Variants in KDM2B observed in about 807,000 individuals in gnomAD.
KDM2B encodes lysine demethylase 2B.
A neutral mutation model predicts 150.0 loss-of-function variants in KDM2B; 26 were observed. The observed-to-expected ratio is 0.17, with a 90% CI of 0.13 to 0.24. The LOEUF (loss-of-function observed/expected upper bound fraction) is 0.24, where lower values mean the gene tolerates loss of function less well. Ranked by LOEUF, KDM2B falls within the 10% of genes least tolerant of loss-of-function variation. The probability of loss-of-function intolerance (pLI) is 1.00; values close to 1 mark genes in which losing one functional copy is unlikely to be tolerated. For synonymous variants in KDM2B, 734 were observed against 729.5 expected, an observed-to-expected ratio of 1.01 and a Z score of -0.10; for missense variants, 1,265 against 1,816.9, an observed-to-expected ratio of 0.70 and a Z score of 5.52.
intron 11 of KDM2B, among the ~76,000 whole-genome samples, chr12:121,504,030 A>G (rs1884834225): frequency 6.6e-6 from 1 of 152,170 alleles, no homozygotes; most frequent in Non-Finnish European, 1.5e-5. Flanking sequence ...TGTCTTTCCC[A>G]TCTCATACAG....
At chr12:121,432,958 C>G (rs1363234828) in intron 22 of KDM2B, among the ~76,000 whole-genome samples, 1 of 152,242 alleles carries the variant, frequency 6.6e-6, no homozygotes, top group African/African-American at 2.4e-5. Context: ...GGCTGGCACA[C>G]TGCTGTGGCC....
the KDM2B span, chr12:121,416,275 T>G: frequency 6.2e-7 from 1 of 1,614,016 alleles, no homozygotes; most frequent in African/African-American, 1.3e-5. Flanking sequence ...CATTCAGATT[T>G]ACACCAAACC....
intron 4 of KDM2B, among the ~76,000 whole-genome samples, chr12:121,556,036 C>T (rs1889865606): frequency 6.6e-6 from 1 of 152,024 alleles, no homozygotes; most frequent in Admixed American, 6.6e-5. Flanking sequence ...AAGAGATCCT[C>T]CTGCCTCAGC....
At chr12:121,509,291 T>C (rs1885373293) in intron 11 of KDM2B, among the ~76,000 whole-genome samples, 1 of 151,780 alleles carries the variant, frequency 6.6e-6, no homozygotes, top group Non-Finnish European at 1.5e-5. Flanking sequence ...CTTGAACTCA[T>C]GACTTCAAGT....
chr12:121,497,239 A>G (rs369300378), intron 11 of KDM2B, among the ~76,000 whole-genome samples: 3 of 152,306 alleles, frequency 2.0e-5, no homozygotes, highest in Non-Finnish European at 2.9e-5. Context: ...ATTCACTGCT[A>G]TATCCTCAAA....
downstream of KDM2B, among the ~76,000 whole-genome samples, chr12:121,424,794 G>A (rs1467553770): frequency 1.3e-5 from 2 of 152,140 alleles, no homozygotes; most frequent in Non-Finnish European, 2.9e-5. Context: ...TATCAGTAAG[G>A]TTAACTGCTG....
chr12:121,530,266 T>C (rs1887556939), intron 8 of KDM2B, among the ~76,000 whole-genome samples: 1 of 151,346 alleles, frequency 6.6e-6, no homozygotes, highest in African/African-American at 2.4e-5. Context: ...TCTAGGTCAG[T>C]GGACCCCAGT....
intron 11 of KDM2B, among the ~76,000 whole-genome samples, chr12:121,502,960 G>A (rs1448464249): frequency 1.4e-5 from 2 of 147,760 alleles, no homozygotes; most frequent in Non-Finnish European, 3.0e-5. Flanking sequence ...TTTAAAAAAG[G>A]AAATCAGGTT....
chr12:121,480,628 G>A (rs1458020851), intron 12 of KDM2B, among the ~76,000 whole-genome samples: 3 of 148,794 alleles, frequency 2.0e-5, no homozygotes, highest in South Asian at 2.2e-4. Flanking sequence ...AAACTTAGCC[G>A]GGTGTGGTGG....
At chr12:121,494,978 G>A (rs1175050946) in intron 11 of KDM2B, among the ~76,000 whole-genome samples, 2 of 151,704 alleles carry the variant, frequency 1.3e-5, no homozygotes, top group Non-Finnish European at 2.9e-5. Context: ...AGAGCGTCGG[G>A]GACTCACACA....
intron 12 of KDM2B, among the ~76,000 whole-genome samples, chr12:121,475,940 G>T (rs1555296694): frequency 6.6e-6 from 1 of 151,384 alleles, no homozygotes; most frequent in Non-Finnish European, 1.5e-5. Flanking sequence ...AAGGTAGGAG[G>T]ATTACTTGAG....
intron 12 of KDM2B, among the ~76,000 whole-genome samples, chr12:121,480,203 G>T (rs529889315): frequency 6.6e-6 from 1 of 152,296 alleles, no homozygotes; most frequent in African/African-American, 2.4e-5. Context: ...TCTGGAGCAA[G>T]GAGAGAAGAA....
intron 4 of KDM2B, among the ~76,000 whole-genome samples, chr12:121,558,999 G>A (rs531529607): frequency 6.6e-6 from 1 of 152,178 alleles, no homozygotes; most frequent in Non-Finnish European, 1.5e-5. Context: ...CATCACAGAT[G>A]CCACTTGGGA....
intron 12 of KDM2B, among the ~76,000 whole-genome samples, chr12:121,472,261 C>T (rs1476823514): frequency 2.0e-5 from 3 of 152,144 alleles, no homozygotes; most frequent in African/African-American, 4.8e-5. Flanking sequence ...GGAGACTTGC[C>T]CCCCTTAACG....
chr12:121,430,389 T>G lies in KDM2B; in HGVS notation c.3910A>C (p.Lys1304Gln), dbSNP rs782683490. 2.5e-6 allele frequency: 4 copies of G among 1,614,044 alleles called. No homozygotes were observed. The highest frequency in any genetic ancestry group is 1.3e-5 in the African/African-American group (1 of 74,938). The change falls in exon 23 of 23, where the codon AAG (lysine) becomes CAG (glutamine). Residue 1304 changes from lysine (K) to glutamine (Q), a missense_variant. Around this residue, in one of 11 missense-constraint regions of KDM2B, gnomAD observed 251 missense variants for 397.8 expected, o/e 0.63. Transcript: ENST00000377071. The surrounding 1 kb of genome is among the most constrained non-coding windows in gnomAD (Gnocchi z 4.4). ...NICHIDLRYC[K>Q]QVTKEGCEQF... ...TCACAGCCTTCCTTGGTGACTTGCTTGCAGTACCTCAGGTCAATATGACAG... is the reference window on the plus strand; with the variant it reads ...TCACAGCCTTCCTTGGTGACTTGCTGGCAGTACCTCAGGTCAATATGACAG...
Position 121,578,702 on chromosome 12 carries a change from G to C in KDM2B, c.271+100C>G, listed in dbSNP as rs1355098771. 3 of 1,071,002 alleles carry C rather than the reference G, an allele frequency of 2.8e-6. No homozygotes were observed. In the African/African-American group the frequency reaches 5.0e-5, roughly 18 times the overall value. 66.3% of individuals were successfully genotyped at this position (1,071,002 alleles called of 1,614,324 possible). A position where few individuals can be genotyped will look rare whatever the true frequency, so the allele number is the denominator to read the frequency against. On this transcript the variant is annotated intron_variant, in intron 2 of 22. Coordinates refer to ENST00000377071, the MANE Select transcript of KDM2B (RefSeq NM_032590.5). ...TTCGTCACCGGATCCCCTGGAATGG[G>C]GGACGCGGGCGCGAAATACGAACCC...
At chr12:121,517,375 G>A (rs973239739) in intron 9 of KDM2B, among the ~76,000 whole-genome samples, 15 of 152,058 alleles carry the variant, frequency 9.9e-5, no homozygotes, top group African/African-American at 2.9e-4. Flanking sequence ...AAATTTAAAT[G>A]GTGAAGGTAA....
intron 22 of KDM2B, among the ~76,000 whole-genome samples, chr12:121,433,679 T>C (rs528144571): frequency 5.3e-5 from 8 of 152,378 alleles, no homozygotes; most frequent in Admixed American, 1.3e-4. Context: ...GAAATTGCTA[T>C]AAAATCCTAG....
chr12:121,442,819 G>C lies in KDM2B; in HGVS notation c.2622C>G (p.Asn874Lys). The C allele has an allele frequency of 1.3e-6, 2 of 1,523,254 alleles. No homozygotes were observed. The highest frequency in any genetic ancestry group is 1.8e-6 in the Non-Finnish European group (2 of 1,141,080). 94.4% of individuals were successfully genotyped at this position (1,523,254 alleles called of 1,614,324 possible). Residue 874 changes from asparagine (N) to lysine (K), a missense_variant, in exon 19 of 23, where the codon AAC becomes AAG. Asn to Lys is a moderately conservative substitution (Grantham distance 94). This residue lies in a region of KDM2B where 418 missense variants were observed against 402.4 expected (regional missense o/e 1.04). Transcript: ENST00000377071. This position sits in a 1 kb window ranked among gnomAD's most constrained non-coding sequence, Gnocchi z 7.7. Reference protein sequence around the residue: ...LFRKKRRSWKNAEDRMALANK... With the variant: ...LFRKKRRSWKKAEDRMALANK... ...TGGCCAGCGCCATGCGGTCCTCGGC[G>C]TTCTTCCAGGACCGCCGCTGAGGGC... is the stretch of plus-strand genomic sequence containing the variant.
Sources: allele counts gnomAD v4.1 joint callset (sites outside exome capture counted in the v4.1 genomes callset), GRCh38; gene constraint gnomAD v4.1.1; regional missense constraint gnomAD v4.1.1; non-coding constraint Gnocchi (gnomAD v3.1); transcripts MANE v1.5; gene names NCBI Gene and HGNC (gene_info 2026-07-23, HGNC 2026-07-21).